MAP6: variants seen among roughly 807,000 people sequenced by gnomAD.
The protein encoded by MAP6 is microtubule-associated protein 6.
In MAP6, 26 loss-of-function variants were observed where a neutral mutation model predicts 42.4. The ratio of observed to expected loss-of-function variants is 0.61; its 90% CI spans 0.45 to 0.85. The LOEUF (loss-of-function observed/expected upper bound fraction) is 0.85. Ranked by LOEUF, MAP6 falls within the 40% of genes least tolerant of loss-of-function variation. The pLI, the probability that MAP6 is intolerant of heterozygous loss-of-function variation, is 0.00. For synonymous variants in MAP6, 418 were observed against 443.8 expected, an observed-to-expected ratio of 0.94 and a Z score of 0.73; for missense variants, 966 against 1,099.0, an observed-to-expected ratio of 0.88 and a Z score of 1.71.
chr11:75,615,367 A>G (rs186515420), intron 1 of MAP6, among the ~76,000 whole-genome samples: 5 of 152,378 alleles, frequency 3.3e-5, no homozygotes, highest in Admixed American at 6.5e-5. Context: ...CTTTAGTTGA[A>G]GAGGACCTGG....
chr11:75,624,905 G>A (rs145305609), intron 1 of MAP6, among the ~76,000 whole-genome samples: 28 of 152,262 alleles, frequency 1.8e-4, no homozygotes, highest in African/African-American at 6.3e-4. Flanking sequence ...CTCTGCTGGC[G>A]ATTCTGTTCA....
chr11:75,631,582 G>T (rs755014473), intron 1 of MAP6, among the ~76,000 whole-genome samples: 42 of 152,288 alleles, frequency 2.8e-4, no homozygotes, highest in Non-Finnish European at 3.4e-4. Flanking sequence ...CTCAGCTAAG[G>T]AAACTCAAAC....
In MAP6 at chr11:75,668,409, G is replaced by A; in HGVS notation, c.-40C>T. 1 of 1,555,488 alleles carries A rather than the reference G, an allele frequency of 6.4e-7. No homozygotes were observed. Among genetic ancestry groups the A allele is most frequent in the East Asian group, 2.5e-5 (1 of 39,988 alleles). ...AGCCGGCCTCCTCTTTCTTCTTGTGGTTCTAAAGCAAGTCTCTATAATCTT... is the reference window on the plus strand; with the variant it reads ...AGCCGGCCTCCTCTTTCTTCTTGTGATTCTAAAGCAAGTCTCTATAATCTT... On this transcript the variant is annotated 5_prime_UTR_variant, in exon 1 of 4. Transcript: ENST00000304771.
chr11:75,654,496 C>T (rs970175406), intron 1 of MAP6, among the ~76,000 whole-genome samples: 5 of 152,184 alleles, frequency 3.3e-5, no homozygotes, highest in Admixed American at 2.6e-4. Context: ...TATTCTTGCA[C>T]TTACCACTAT....
intron 1 of MAP6, among the ~76,000 whole-genome samples, chr11:75,613,979 A>ATCTTGCTGATCAGGCAAAGTTT (rs1942952514): frequency 6.6e-6 from 1 of 152,350 alleles, no homozygotes; most frequent in East Asian, 1.9e-4. Flanking sequence ...GGACTTTGGG[A>ATCTTGCTGATCAGGCAAAGTTT]TCTTGCTGAT....
At chr11:75,610,294 C>T (rs1028880775) in intron 1 of MAP6, among the ~76,000 whole-genome samples, 1 of 152,218 alleles carries the variant, frequency 6.6e-6, no homozygotes, top group Admixed American at 6.5e-5. Flanking sequence ...TCCCTAGAAC[C>T]AAATCGTCTT....
chr11:75,633,893 C>T (rs767450119), intron 1 of MAP6, among the ~76,000 whole-genome samples: 3 of 152,094 alleles, frequency 2.0e-5, no homozygotes, highest in Admixed American at 6.5e-5. Context: ...ATCTTCTGTG[C>T]GATGGGGAGC....
Position 75,667,511 on chromosome 11 carries a change from G to A in MAP6, c.859C>T (p.Arg287Trp). 2 of 1,507,572 alleles carry A rather than the reference G, an allele frequency of 1.3e-6. No homozygotes were observed. The highest frequency in any genetic ancestry group is 1.2e-5 in the South Asian group (1 of 81,538). 93.4% of individuals were successfully genotyped at this position (1,507,572 alleles called of 1,614,324 possible). ...RGRAAADALNRQIREEVASAV... is the reference protein window; with the variant it reads ...RGRAAADALNWQIREEVASAV... ...CTCGCCACCTCCTCGCGGATTTGCC[G>A]GTTGAGGGCGTCCGCCGCGGCGCGC... Residue 287 changes from arginine (R) to tryptophan (W), a missense_variant, in exon 1 of 4, where the codon CGG (arginine) becomes TGG (tryptophan). Physicochemically the swap from Arg to Trp is moderately radical, Grantham distance 101. Around this residue, in one of 2 missense-constraint regions of MAP6, gnomAD observed 943 missense variants for 1,049.9 expected, o/e 0.90. Transcript: ENST00000304771. The surrounding 1 kb of genome is among the most constrained non-coding windows in gnomAD (Gnocchi z 5.6).
intron 1 of MAP6, among the ~76,000 whole-genome samples, chr11:75,661,779 A>G (rs187214652): frequency 6.6e-6 from 1 of 152,246 alleles, no homozygotes; most frequent in East Asian, 1.9e-4. Flanking sequence ...GATGTTTGTT[A>G]TCACCTACTA....
At position 75,667,593 on chromosome 11, in the gene MAP6, C is replaced by T; in HGVS notation, c.777G>A (p.Thr259=). The stretch of plus-strand genomic sequence containing the variant: ...CCTGGGCCTGGGCCGCGGGCAGCGG[C>T]GTCTGCTCGTGCCCCAGGCCCTCGG... ...RRAEGLGHEQ[T]PLPAAQAQVQ... is the part of the protein sequence containing the mutation. Residue 259 remains threonine (T), a synonymous_variant, in exon 1 of 4, where the codon ACG becomes ACA. Coordinates refer to ENST00000304771, the MANE Select transcript of MAP6 (RefSeq NM_033063.2). The surrounding 1 kb of genome is among the most constrained non-coding windows in gnomAD (Gnocchi z 5.6). 1.4e-6 allele frequency: 2 copies of T among 1,380,528 alleles called. No individual in the cohort carries two copies. Among genetic ancestry groups the T allele is most frequent in the South Asian group, 1.6e-5 (1 of 60,840 alleles). The allele number at this position is 1,380,528 out of a possible 1,614,324, so 85.5% of individuals were successfully genotyped here.
At chr11:75,596,849 G>A (rs952836307) in intron 3 of MAP6, among the ~76,000 whole-genome samples, 77 of 152,300 alleles carry the variant, frequency 5.1e-4, no homozygotes, top group Admixed American at 2.4e-3. Context: ...TTCCATAGAC[G>A]AGAGTATGGA....
intron 1 of MAP6, among the ~76,000 whole-genome samples, chr11:75,632,751 A>G (rs1943304284): frequency 6.6e-6 from 1 of 152,236 alleles, no homozygotes; most frequent in Non-Finnish European, 1.5e-5. Context: ...TGTGGAAATT[A>G]GAGTCATCTA....
chr11:75,622,236 G>GA (rs1943124162), intron 1 of MAP6, among the ~76,000 whole-genome samples: 2 of 151,434 alleles, frequency 1.3e-5, no homozygotes, highest in Non-Finnish European at 2.9e-5. Context: ...AGTTTTTTTT[G>GA]ATTTTTAATT....
intron 3 of MAP6, among the ~76,000 whole-genome samples, chr11:75,593,564 T>C (rs1942518786): frequency 1.3e-5 from 2 of 152,196 alleles, no homozygotes; most frequent in Non-Finnish European, 2.9e-5. Context: ...TCCATCCACG[T>C]GGTTTTTTTC....
chr11:75,616,032 C>T (rs1022169562), intron 1 of MAP6, among the ~76,000 whole-genome samples: 8 of 152,006 alleles, frequency 5.3e-5, no homozygotes, highest in Non-Finnish European at 1.0e-4. Flanking sequence ...GCTTTCATTG[C>T]TAATTTGAAA....
At chr11:75,630,619 C>T (rs147452705) in intron 1 of MAP6, among the ~76,000 whole-genome samples, 210 of 152,234 alleles carry the variant, frequency 1.4e-3, no homozygotes, top group African/African-American at 4.6e-3. Flanking sequence ...TAGGTGTGAC[C>T]TACTAGTCAC....
chr11:75,601,270 C>A (rs1255238448), intron 3 of MAP6, among the ~76,000 whole-genome samples: 3 of 152,164 alleles, frequency 2.0e-5, no homozygotes, highest in Non-Finnish European at 4.4e-5. Flanking sequence ...TCTCTCTGTG[C>A]CGCTATTTCT....
intron 1 of MAP6, among the ~76,000 whole-genome samples, chr11:75,655,028 G>A (rs879347981): frequency 2.0e-5 from 3 of 152,082 alleles, no homozygotes; most frequent in Admixed American, 6.6e-5. Flanking sequence ...ACCAGGGCCC[G>A]CCTGGTACTT....
At chr11:75,617,719 T>C (rs1285723408) in intron 1 of MAP6, among the ~76,000 whole-genome samples, 1 of 151,630 alleles carries the variant, frequency 6.6e-6, no homozygotes. Context: ...CAAATATACC[T>C]CAAGTAGAAA....
Sources: gnomAD v4.1 joint callset for allele counts (sites outside exome capture counted in the v4.1 genomes callset) on GRCh38, gnomAD v4.1.1 for gene constraint, gnomAD v4.1.1 regional missense constraint, Gnocchi (gnomAD v3.1) non-coding constraint, MANE v1.5 for transcripts, NCBI Gene and HGNC (gene_info 2026-07-23, HGNC 2026-07-21) for gene names.